PRLR: variants seen among roughly 807,000 people sequenced by gnomAD.
The protein encoded by PRLR is hPRL receptor.
In PRLR, 13 loss-of-function variants were observed where a neutral mutation model predicts 40.2. The ratio of observed to expected loss-of-function variants is 0.32; its 90% CI spans 0.21 to 0.51. The LOEUF (loss-of-function observed/expected upper bound fraction) is 0.51. Ranked by LOEUF, PRLR falls within the 20% of genes least tolerant of loss-of-function variation. The pLI, the probability that PRLR is intolerant of heterozygous loss-of-function variation, is 0.97. For synonymous variants in PRLR, 269 were observed against 278.7 expected (o/e 0.97, Z 0.35); for missense variants, 656 against 747.3 (o/e 0.88, Z 1.42).
chr5:35,110,751 A>T (rs566409647), intron 2 of PRLR, among the ~76,000 whole-genome samples: 2 of 152,294 alleles, frequency 1.3e-5, no homozygotes, highest in Admixed American at 1.3e-4. Context: ...CTGTCTTTCT[A>T]TGCAGGAATA....
In PRLR at chr5:35,126,678, T is replaced by G. The variant is rs374305475; in HGVS notation, c.-105-8556A>C. Among the ~76,000 whole-genome samples, 218 of 152,326 alleles carry G rather than the reference T, an allele frequency of 1.4e-3. 6 individuals carry two copies. In the South Asian group the frequency reaches 0.044, roughly 31 times the overall value. ...GCATGTAAGTTCCTTGAGTCTTATT[T>G]CTTCACCTGTAAAGTGGAAATATCT... is the stretch of plus-strand genomic sequence containing the variant. On this transcript the variant is annotated intron_variant, in intron 1 of 9. Coordinates refer to ENST00000618457, the MANE Select transcript of PRLR (RefSeq NM_000949.7).
intron 2 of PRLR, among the ~76,000 whole-genome samples, chr5:35,103,261 T>C (rs1293806802): frequency 2.0e-5 from 3 of 152,206 alleles, no homozygotes; most frequent in Non-Finnish European, 4.4e-5. Context: ...ATAGTATGTT[T>C]AACATTTTAA....
downstream of PRLR, among the ~76,000 whole-genome samples, chr5:35,051,449 A>C (rs79121285): frequency 7.0e-3 from 1,064 of 152,296 alleles, 15 homozygotes; most frequent in African/African-American, 0.024. Context: ...CTAGTTGTTC[A>C]TTCTCTTGAA....
At chr5:35,071,151 G>T (rs1453299480) in intron 6 of PRLR, among the ~76,000 whole-genome samples, 1 of 152,072 alleles carries the variant, frequency 6.6e-6, no homozygotes, top group Non-Finnish European at 1.5e-5. Flanking sequence ...ACCAATTCTT[G>T]GTAAAAATTG....
At chr5:35,170,475 CAA>C (rs1774967860) in intron 1 of PRLR, among the ~76,000 whole-genome samples, 1 of 152,094 alleles carries the variant, frequency 6.6e-6, no homozygotes, top group African/African-American at 2.4e-5. Context: ...GGCAATGTGG[CAA>C]ACCTCTGTCT....
intron 1 of PRLR, among the ~76,000 whole-genome samples, chr5:35,153,569 AG>A: frequency 6.6e-6 from 1 of 152,258 alleles, no homozygotes; most frequent in Admixed American, 6.5e-5. Context: ...AAGCAAATAG[AG>A]GAAGTGATTT....
chr5:35,136,213 T>G (rs960991403), intron 1 of PRLR, among the ~76,000 whole-genome samples: 2 of 152,294 alleles, frequency 1.3e-5, no homozygotes, highest in Admixed American at 6.5e-5. Flanking sequence ...GTGGACTCTC[T>G]GAGGCCCATG....
chr5:35,068,672 G>GTGTTATTAT, intron 8 of PRLR, 107 bp downstream of exon 8: 1 of 893,688 alleles, frequency 1.1e-6, no homozygotes, highest in South Asian at 1.7e-5. Context: ...ACATCTAATG[G>GTGTTATTAT]CTAAAATGAG....
At chr5:35,091,642 C>G (rs1438312799) in intron 2 of PRLR, among the ~76,000 whole-genome samples, 1 of 152,158 alleles carries the variant, frequency 6.6e-6, no homozygotes, top group Admixed American at 6.5e-5. Flanking sequence ...GCCACTGACC[C>G]ACAGTGAGCA....
intron 1 of PRLR, among the ~76,000 whole-genome samples, chr5:35,181,895 G>A (rs1219009787): frequency 6.6e-6 from 1 of 152,114 alleles, no homozygotes; most frequent in African/African-American, 2.4e-5. Context: ...GCTGTTTGGA[G>A]GTCTTCAACT....
intron 1 of PRLR, among the ~76,000 whole-genome samples, chr5:35,188,276 C>T (rs1775503284): frequency 7.4e-6 from 1 of 135,120 alleles, no homozygotes; most frequent in South Asian, 2.1e-4. Flanking sequence ...TTAATCATCA[C>T]ATAAAAGATC....
chr5:35,132,120 C>G (rs1483765624), intron 1 of PRLR, among the ~76,000 whole-genome samples: 1 of 152,194 alleles, frequency 6.6e-6, no homozygotes, highest in Non-Finnish European at 1.5e-5. Flanking sequence ...ACTTATCTCT[C>G]TCAGGGTTTC....
At chr5:35,206,304 T>C (rs1776013436) in intron 1 of PRLR, among the ~76,000 whole-genome samples, 1 of 151,992 alleles carries the variant, frequency 6.6e-6, no homozygotes, top group Non-Finnish European at 1.5e-5. Flanking sequence ...GGATAAAAGG[T>C]GGCGAATCTT....
chr5:35,167,175 A>G (rs760368741), intron 1 of PRLR, among the ~76,000 whole-genome samples: 2 of 151,660 alleles, frequency 1.3e-5, no homozygotes, highest in African/African-American at 2.4e-5. Flanking sequence ...CTATCTATCT[A>G]TCTATCTATC....
chr5:35,089,377 G>A lies in PRLR; in HGVS notation c.70+174C>T, dbSNP rs1342687952. On this transcript the variant is annotated intron_variant, in intron 3 of 9. Transcript: ENST00000618457. ...ACAGTGACAAGATTTTGCATTAATT[G>A]CATTAATTTTTCTGCATTAACTTTA... 5.3e-5 allele frequency among the ~76,000 whole-genome samples: 8 copies of A among 152,252 alleles called. No homozygotes were observed. The East Asian group carries it at 7.7e-4, about 15-fold the overall frequency.
At chr5:35,210,307 C>T (rs1026882439) in intron 1 of PRLR, among the ~76,000 whole-genome samples, 2 of 152,174 alleles carry the variant, frequency 1.3e-5, no homozygotes, top group East Asian at 1.9e-4. Flanking sequence ...AACCACTCAG[C>T]TCACTATTAT....
intron 6 of PRLR, among the ~76,000 whole-genome samples, chr5:35,071,418 T>C (rs938606932): frequency 3.9e-5 from 6 of 152,186 alleles, no homozygotes; most frequent in African/African-American, 1.4e-4. Flanking sequence ...AACTAGGGAC[T>C]GGGTATTAAA....
intron 1 of PRLR, among the ~76,000 whole-genome samples, chr5:35,148,843 C>G: frequency 6.6e-6 from 1 of 151,972 alleles, no homozygotes; most frequent in Non-Finnish European, 1.5e-5. Context: ...ACTAACATTA[C>G]TTGTACTTAA....
At chr5:35,091,383 A>C (rs1234482354) in intron 2 of PRLR, among the ~76,000 whole-genome samples, 1 of 152,212 alleles carries the variant, frequency 6.6e-6, no homozygotes, top group Non-Finnish European at 1.5e-5. Flanking sequence ...ATGGGCAGGC[A>C]CTGGGGAAAG....
Sources: allele counts gnomAD v4.1 joint callset (sites outside exome capture counted in the v4.1 genomes callset), GRCh38; gene constraint gnomAD v4.1.1; transcripts MANE v1.5; gene names NCBI Gene and HGNC (gene_info 2026-07-23, HGNC 2026-07-21).